The following KCNK17 variants were observed in gnomAD, a reference collection of about 807,000 sequenced individuals.
KCNK17 encodes the protein potassium two pore domain channel subfamily K member 17.
Under a neutral mutation model 24.6 loss-of-function variants are expected in KCNK17, and 27 were observed. That is an observed-to-expected ratio of 1.10 (90% CI 0.81 to 1.51). The LOEUF is 1.51. Ranked by LOEUF, KCNK17 falls within the 40% of genes most tolerant of loss-of-function variation. The pLI, the probability that KCNK17 is intolerant of heterozygous loss-of-function variation, is 0.00. For synonymous variants in KCNK17, 181 were observed against 189.8 expected (o/e 0.95, Z 0.38); for missense variants, 450 against 436.6 (o/e 1.03, Z -0.27).
intron 2 of KCNK17, among the ~76,000 whole-genome samples, chr6:39,306,762 C>G (rs1014999723): frequency 5.8e-5 from 8 of 137,720 alleles, no homozygotes; most frequent in African/African-American, 1.8e-4. Flanking sequence ...ATCTTTCTTT[C>G]TTTGTTTTTT....
Position 39,304,380 on chromosome 6 carries a change from CACA to C in KCNK17, c.513+112_513+114del, listed in dbSNP as rs1053887852. 1.5e-5 allele frequency: 15 copies of C among 1,005,976 alleles called. No individual in the cohort carries two copies. The African/African-American group carries it at 1.7e-4, about 12-fold the overall frequency. 62.3% of individuals were successfully genotyped at this position (1,005,976 alleles called of 1,614,324 possible). A position where few individuals can be genotyped will look rare whatever the true frequency, so the allele number is the denominator to read the frequency against. ...TCTGAGCAGTGACCCCCAATCCCAA[CACA>C]ACCTCACCAGTAACACTTGCTCCCA... On this transcript the variant is annotated intron_variant, in intron 3 of 4. Coordinates refer to ENST00000373231, the MANE Select transcript of KCNK17 (RefSeq NM_031460.4).
At position 39,300,076 on chromosome 6, in the gene KCNK17, C is replaced by A. The variant is rs570600301; in HGVS notation, c.689-339G>T. Among the ~76,000 whole-genome samples, 3 of 152,360 alleles carry A rather than the reference C, an allele frequency of 2.0e-5. No homozygotes were observed. The East Asian group carries it at 5.8e-4, about 29-fold the overall frequency. ...CAAATGATGGGGCCCCTACCCCAGA[C>A]CTACTGGATCAGAAACTCTGGGCAT... On this transcript the variant is annotated intron_variant, in intron 4 of 4. Transcript: ENST00000373231.
intron 4 of KCNK17, among the ~76,000 whole-genome samples, chr6:39,302,034 C>T (rs12189592): frequency 1.7e-4 from 26 of 152,320 alleles, no homozygotes; most frequent in Non-Finnish European, 3.5e-4. Context: ...TTATGCAACT[C>T]CCTTCCCTCC....
chr6:39,313,517 G>A (rs1762193942), intron 1 of KCNK17, among the ~76,000 whole-genome samples: 2 of 152,298 alleles, frequency 1.3e-5, no homozygotes, highest in South Asian at 4.1e-4. Flanking sequence ...GGACAAACGC[G>A]CCTTCCCCCA....
Position 39,299,061 on chromosome 6 carries a change from T to G in KCNK17, c.*366A>C, listed in dbSNP as rs138245759. ...ATAAAGGAGGTCGGGTGATATTCCGTTTGTTAGGATGGCTCTGTGATCATC... is the reference window on the plus strand; with the variant it reads ...ATAAAGGAGGTCGGGTGATATTCCGGTTGTTAGGATGGCTCTGTGATCATC... On this transcript the variant is annotated 3_prime_UTR_variant, in exon 5 of 5. Coordinates refer to ENST00000373231, the MANE Select transcript of KCNK17 (RefSeq NM_031460.4). 493 of 217,998 alleles carry G rather than the reference T, an allele frequency of 2.3e-3. 11 individuals carry two copies. The highest frequency in any genetic ancestry group is 0.01 in the African/African-American group (457 of 44,336). 13.5% of individuals were successfully genotyped at this position (217,998 alleles called of 1,614,324 possible). A position where few individuals can be genotyped will look rare whatever the true frequency, so the allele number is the denominator to read the frequency against.
chr6:39,307,787 C>T (rs1192484116), intron 2 of KCNK17, among the ~76,000 whole-genome samples: 2 of 152,200 alleles, frequency 1.3e-5, no homozygotes, highest in African/African-American at 4.8e-5. Flanking sequence ...GGGCATCCTG[C>T]AAGAACCCTA....
chr6:39,307,557 C>T (rs1212715506), intron 2 of KCNK17, among the ~76,000 whole-genome samples: 1 of 152,190 alleles, frequency 6.6e-6, no homozygotes, highest in African/African-American at 2.4e-5. Flanking sequence ...GGGATGGGGA[C>T]ACTAAGATTC....
chr6:39,306,497 T>C (rs1305961176), intron 2 of KCNK17, among the ~76,000 whole-genome samples: 1 of 152,220 alleles, frequency 6.6e-6, no homozygotes, highest in African/African-American at 2.4e-5. Flanking sequence ...AATGAACAAA[T>C]GCCTCTCATT....
intron 2 of KCNK17, among the ~76,000 whole-genome samples, chr6:39,310,505 C>T (rs1445582357): frequency 3.3e-5 from 5 of 152,120 alleles, no homozygotes; most frequent in Middle Eastern, 3.2e-3. Flanking sequence ...CCACTTCTCC[C>T]GACCACCACT....
chr6:39,301,786 G>A (rs1485125240), intron 4 of KCNK17, among the ~76,000 whole-genome samples: 1 of 152,220 alleles, frequency 6.6e-6, no homozygotes, highest in Non-Finnish European at 1.5e-5. Flanking sequence ...TCAGGCAGAG[G>A]AGTGGCTGTG....
chr6:39,311,085 C>A (rs1329597635), intron 1 of KCNK17, 78 bp from the exon 2 acceptor site: 1 of 383,910 alleles, frequency 2.6e-6, no homozygotes. Flanking sequence ...CACACACACA[C>A]ACACACACAC....
chr6:39,303,920 G>GA, intron 4 of KCNK17, 37 bp downstream of exon 4: 1 of 1,600,930 alleles, frequency 6.2e-7, no homozygotes, highest in Non-Finnish European at 8.5e-7. Flanking sequence ...ATAGGCAGCC[G>GA]AATGTCCCCG....
chr6:39,300,620 G>C (rs1488191630), intron 4 of KCNK17: 7 of 1,269,858 alleles, frequency 5.5e-6, no homozygotes, highest in Non-Finnish European at 7.8e-6. Context: ...TCACCTGTGA[G>C]ATGGGGAATA....
intron 4 of KCNK17, among the ~76,000 whole-genome samples, chr6:39,301,488 G>A (rs188692923): frequency 1.3e-5 from 2 of 152,374 alleles, no homozygotes; most frequent in African/African-American, 2.4e-5. Context: ...GGATTAGGCT[G>A]ATTGGGTTAT....
rs973827181 is a variant in KCNK17 at position 39,300,583 on chromosome 6, T to C, written c.689-846A>G. 63 of 1,509,962 alleles carry C rather than the reference T, an allele frequency of 4.2e-5. 1 individual carries two copies. The highest frequency in any genetic ancestry group is 3.4e-4 in the Middle Eastern group (2 of 5,908). The allele number at this position is 1,509,962 out of a possible 1,614,324, so 93.5% of individuals were successfully genotyped here. A position where few individuals can be genotyped will look rare whatever the true frequency, so the allele number is the denominator to read the frequency against. The stretch of plus-strand genomic sequence containing the variant: ...CATAAGAATATGTATCCTGACTCGG[T>C]TCTTCAGCCACCTGTCTGAACCTCC... On this transcript the variant is annotated intron_variant, in intron 4 of 4. Coordinates refer to ENST00000373231, the MANE Select transcript of KCNK17 (RefSeq NM_031460.4).
chr6:39,311,071 TGCACACACACACACAC>T, intron 1 of KCNK17, 64 bp from the exon 2 acceptor site: 1 of 662,582 alleles, frequency 1.5e-6, no homozygotes, highest in Non-Finnish European at 2.7e-6. Context: ...TACCCCAAGA[TGCACACACACACACAC>T]ACACACACAC....
At chr6:39,311,050 T>A in intron 1 of KCNK17, 43 bp from the exon 2 acceptor site, 10 of 1,164,978 alleles carry the variant, frequency 8.6e-6, no homozygotes, top group South Asian at 1.3e-5. Context: ...TGTGGGGTGA[T>A]GGATTTCCTG....
chr6:39,302,664 C>T (rs1761966382), intron 4 of KCNK17, among the ~76,000 whole-genome samples: 1 of 152,216 alleles, frequency 6.6e-6, no homozygotes, highest in Non-Finnish European at 1.5e-5. Context: ...ATCTAAGAAT[C>T]ATACTCTGAG....
chr6:39,314,234 GT>G lies in KCNK17; in HGVS notation c.86del (p.Tyr29SerfsTer49), dbSNP rs1762221759. 6.5e-7 allele frequency: 1 copy of G among 1,538,056 alleles called. No homozygotes were observed. The highest frequency in any genetic ancestry group is 2.0e-5 in the Admixed American group (1 of 51,084). ...CGGTGCCCAGCGCCAGGTAAGCCAG[GT>G]AGGCGAGCAGCAGGAGCACGGTGCT... ...VPSTVLLLLA[Y>X]LAYLALGTGV... On this transcript the variant is annotated frameshift_variant, in exon 1 of 5. Transcript: ENST00000373231. LOFTEE classifies it high-confidence loss of function.
Sources: gnomAD v4.1 joint callset for allele counts (sites outside exome capture counted in the v4.1 genomes callset) on GRCh38, gnomAD v4.1.1 for gene constraint, MANE v1.5 for transcripts, NCBI Gene and HGNC (gene_info 2026-07-23, HGNC 2026-07-21) for gene names.